Variants in EPPK1 observed in about 807,000 individuals in gnomAD.
EPPK1 encodes epiplakin 1.
For missense variants in EPPK1, 3,823 were observed against 3,673.3 expected, an observed-to-expected ratio of 1.04 and a Z score of -1.05; for synonymous variants, 1,862 against 1,721.2, an observed-to-expected ratio of 1.08 and a Z score of -2.03.
In EPPK1 at chr8:143,867,289, G is replaced by A. The variant is rs1586688278; in HGVS notation, c.5965C>T (p.Leu1989=). The change falls in exon 2 of 2, where the codon CTG becomes TTG. Residue 1989 remains leucine, a synonymous_variant. Transcript: ENST00000615648. ...RDPATGDTIP[L]FQAMQKQLIE... ...AGCTGCTTCTGCATGGCCTGGAACA[G>A]CGGGATCGTGTCTCCTGTGGCCGGA... The A allele has an allele frequency of 1.2e-6, 2 of 1,612,414 alleles. No individual in the cohort carries two copies. The highest frequency in any genetic ancestry group is 1.3e-5 in the African/African-American group (1 of 75,024).
At position 143,866,139 on chromosome 8, in the gene EPPK1, A is replaced by G; in HGVS notation, c.7115T>C (p.Met2372Thr). The G allele has an allele frequency of 2.7e-6, 1 of 364,846 alleles. No homozygotes were observed. Among genetic ancestry groups the G allele is most frequent in the South Asian group, 2.4e-5 (1 of 42,350 alleles). The allele number at this position is 364,846 out of a possible 1,614,324, so 22.6% of individuals were successfully genotyped here. Reference protein sequence around the residue: ...AYRRGYFDEEMNRVLADPSDD... With the variant: ...AYRRGYFDEETNRVLADPSDD... ...GCTGGGGTCGGCCAGGACACGGTTC[A>G]TCTCCTCGTCGAAGTAGCCGCGCCG... is the stretch of plus-strand genomic sequence containing the variant. The change falls in exon 2 of 2, where the codon ATG becomes ACG. Residue 2372 changes from methionine (M) to threonine (T), a missense_variant. By Grantham distance (81) the Met-to-Thr change is moderately conservative (BLOSUM62 -1). Coordinates refer to ENST00000615648, the MANE Select transcript of EPPK1 (RefSeq NM_031308.4).
Position 143,867,587 on chromosome 8 carries a change from C to T in EPPK1, c.5667G>A (p.Val1889=). Residue 1889 remains valine (V), a synonymous_variant, in exon 2 of 2, where the codon GTG becomes GTA. Coordinates refer to ENST00000615648, the MANE Select transcript of EPPK1 (RefSeq NM_031308.4). The stretch of plus-strand genomic sequence containing the variant: ...AGCCGCTGCCTTCCAGATAGGGCTT[C>T]ACACACTCCAGCGTGCTGAGTGCCT... The part of the protein sequence containing the change: ...GGQALSTLEC[V]KPYLEGSGCI... The T allele has an allele frequency of 1.2e-6, 2 of 1,613,092 alleles. No homozygotes were observed. Among genetic ancestry groups the T allele is most frequent in the Non-Finnish European group, 1.7e-6 (2 of 1,179,862 alleles).
In EPPK1 at chr8:143,867,728, G is replaced by C; in HGVS notation, c.5526C>G (p.Asn1842Lys). ...TTTIEETETQ[N>K]QGIKVAAIRG... ...TGATGGCCGCCACTTTGATGCCTTGGTTTTGCGTCTCTGTTTCTTCAATTG... is the reference window on the plus strand; with the variant it reads ...TGATGGCCGCCACTTTGATGCCTTGCTTTTGCGTCTCTGTTTCTTCAATTG... Residue 1842 changes from asparagine (N) to lysine (K), a missense_variant, in exon 2 of 2, where the codon AAC (asparagine) becomes AAG (lysine). By Grantham distance (94) the Asn-to-Lys change is moderately conservative. Coordinates refer to ENST00000615648, the MANE Select transcript of EPPK1 (RefSeq NM_031308.4). 1 of 1,613,720 alleles carries C rather than the reference G, an allele frequency of 6.2e-7. No homozygotes were observed. The highest frequency in any genetic ancestry group is 2.2e-5 in the East Asian group (1 of 44,878).
In EPPK1 at chr8:143,870,614, C is replaced by G. The variant is rs1554660845; in HGVS notation, c.2640G>C (p.Leu880=). 6.2e-7 allele frequency: 1 copy of G among 1,606,936 alleles called. No homozygotes were observed. Among genetic ancestry groups the G allele is most frequent in the South Asian group, 1.1e-5 (1 of 90,074 alleles). ...AETQRQADIM[L]PALRSRVTVH... ...CGGTGACCCGGCTCCGCAGTGCGGG[C>G]AGCATGATGTCCGCCTGTCTCTGCG... Residue 880 remains leucine (L), a synonymous_variant, in exon 2 of 2, where the codon CTG becomes CTC. Transcript: ENST00000615648. The surrounding 1 kb of genome is among the most constrained non-coding windows in gnomAD (Gnocchi z 5.2).
At chr8:143,878,552 G>A (rs569397021), upstream of EPPK1, 172 of 58,784 alleles carry the variant, frequency 2.9e-3, no homozygotes, top group African/African-American at 9.4e-3. Context: ...CCCCGACGCG[G>A]GGCGGGGCGG....
rs1554661278 is a variant in EPPK1, at chr8:143,871,705, C to T, written c.1549G>A (p.Glu517Lys). 1 of 1,607,534 alleles carries T rather than the reference C, an allele frequency of 6.2e-7. No individual in the cohort carries two copies. The highest frequency in any genetic ancestry group is 2.2e-5 in the East Asian group (1 of 44,770). Residue 517 changes from glutamate to lysine, a missense_variant, in exon 2 of 2, where the codon GAG becomes AAG. Physicochemically the swap from Glu to Lys is moderately conservative, Grantham distance 56 (BLOSUM62 1). Coordinates refer to ENST00000615648, the MANE Select transcript of EPPK1 (RefSeq NM_031308.4). ...GCCCTCTGCTCTGAGGAGATGGCCT[C>T]AGAGAAGAGCAGCTCCCAGAGGGAC... ...PVSLWELLFS[E>K]AISSEQRAML...
chr8:143,878,385 G>GC (rs1375608604), intron 1 of EPPK1, 53 bp downstream of exon 1: 13 of 60,916 alleles, frequency 2.1e-4, no homozygotes, highest in South Asian at 4.0e-4. Context: ...GCCCGCACCC[G>GC]CCGCACCTGC....
Position 143,869,949 on chromosome 8 carries a change from C to T in EPPK1, c.3305G>A (p.Cys1102Tyr), listed in dbSNP as rs1554660554. The change falls in exon 2 of 2, where the codon TGC (cysteine) becomes TAC (tyrosine). Residue 1102 changes from cysteine (C) to tyrosine (Y), a missense_variant. Cys to Tyr is a radical substitution (Grantham distance 194). Transcript: ENST00000615648. Reference protein sequence around the residue: ...RTSYAQLLEECPRDETSGLHL... With the variant: ...RTSYAQLLEEYPRDETSGLHL... ...AAGGCCAGAAGTCTCATCCCTGGGG[C>T]ACTCCTCCAGGAGCTGGGCATAGCT... 3.7e-6 allele frequency: 6 copies of T among 1,607,840 alleles called. No individual in the cohort carries two copies. Among genetic ancestry groups the T allele is most frequent in the Admixed American group, 1.7e-5 (1 of 59,520 alleles).
chr8:143,872,760 TG>T lies in EPPK1; in HGVS notation c.493del (p.Gln165ArgfsTer45). 3 of 1,586,100 alleles carry T rather than the reference TG, an allele frequency of 1.9e-6. No homozygotes were observed. The highest frequency in any genetic ancestry group is 2.6e-6 in the Non-Finnish European group (3 of 1,162,742). On this transcript the variant is annotated frameshift_variant, in exon 2 of 2. Transcript: ENST00000615648. LOFTEE classifies it low-confidence loss of function (END_TRUNC). ...LATGGLVDPA[Q>X]GVLVAPEPAC... is the part of the protein sequence containing the mutation. ...TGGCTCAGGGGCCACGAGCACTCCC[TG>T]GGCGGGGTCCACCAGGCCCCCAGTG... is the stretch of plus-strand genomic sequence containing the variant.
In EPPK1 at chr8:143,872,348, GA is replaced by G; in HGVS notation, c.905del (p.Phe302SerfsTer18). The G allele has an allele frequency of 6.2e-7, 1 of 1,605,818 alleles. No homozygotes were observed. The stretch of plus-strand genomic sequence containing the variant: ...GGAGCAGGTGCTCGGTGGCAGCCTG[GA>G]AAAAGCTCTTCTTGTGGCCTTCGGG... The part of the protein sequence containing the change: ...LLPEGHKKSF[F>X]QAATEHLLPM... On this transcript the variant is annotated frameshift_variant, in exon 2 of 2. Coordinates refer to ENST00000615648, the MANE Select transcript of EPPK1 (RefSeq NM_031308.4). LOFTEE classifies it low-confidence loss of function (END_TRUNC).
Position 143,867,097 on chromosome 8 carries a change from G to A in EPPK1, c.6157C>T (p.Arg2053Trp), listed in dbSNP as rs782711807. The A allele has an allele frequency of 2.4e-5, 39 of 1,612,874 alleles. No individual in the cohort carries two copies. The highest frequency in any genetic ancestry group is 1.9e-4 in the South Asian group (17 of 91,078). ...TCTTGCGTGTTCGGGTCCACAAACCGTTTCCTCATGTGCTTCTGGTCGGAA... is the reference window on the plus strand; with the variant it reads ...TCTTGCGTGTTCGGGTCCACAAACCATTTCCTCATGTGCTTCTGGTCGGAA... ...LISDQKHMRK[R>W]FVDPNTQEKV... Residue 2053 changes from arginine to tryptophan, a missense_variant, in exon 2 of 2, where the codon CGG becomes TGG. Arg to Trp is a moderately radical substitution (Grantham distance 101, BLOSUM62 -3). Coordinates refer to ENST00000615648, the MANE Select transcript of EPPK1 (RefSeq NM_031308.4).
intron 1 of EPPK1, among the ~76,000 whole-genome samples, chr8:143,875,272 G>A (rs1819457639): frequency 1.3e-5 from 2 of 152,158 alleles, no homozygotes; most frequent in South Asian, 2.1e-4. Flanking sequence ...GAGGGCTGTC[G>A]AGGCTCGTAG....
chr8:143,869,543 C>T lies in EPPK1; in HGVS notation c.3711G>A (p.Ala1237=), dbSNP rs782395594. 32 of 1,560,796 alleles carry T rather than the reference C, an allele frequency of 2.1e-5. No individual in the cohort carries two copies. Among genetic ancestry groups the T allele is most frequent in the African/African-American group, 9.5e-5 (7 of 73,894 alleles). ...CTGTGCCCCACAGGCAGGCCTTCAC[C>T]GCCGGCTGCTCGGCGACCTGGGCGG... ...QSPAQVAEQP[A]VKACLWGTGC... is the part of the protein sequence containing the mutation. The change falls in exon 2 of 2, where the codon GCG becomes GCA. Residue 1237 remains alanine (A), a synonymous_variant. Transcript: ENST00000615648.
chr8:143,878,354 G>T lies in EPPK1; in HGVS notation c.-46+84C>A, dbSNP rs1477896967. 3.5e-3 allele frequency: 199 copies of T among 56,476 alleles called. 3 individuals carry two copies. In the East Asian group the frequency reaches 0.044, roughly 13 times the overall value. The allele number at this position is 56,476 out of a possible 1,614,324, so 3.5% of individuals were successfully genotyped here. A position where few individuals can be genotyped will look rare whatever the true frequency, so the allele number is the denominator to read the frequency against. Reference sequence around the variant, plus strand: ...CGCCGCCCCGCCCGGCCCCGAGCCCGCACCCGCACCCGCCGCACCTGCCCG... The same window carrying T: ...CGCCGCCCCGCCCGGCCCCGAGCCCTCACCCGCACCCGCCGCACCTGCCCG... On this transcript the variant is annotated intron_variant, in intron 1 of 1. Transcript: ENST00000615648.
At position 143,872,824 on chromosome 8, in the gene EPPK1, T is replaced by G; in HGVS notation, c.430A>C (p.Arg144=). 6.4e-7 allele frequency: 1 copy of G among 1,560,630 alleles called. No homozygotes were observed. The highest frequency in any genetic ancestry group is 8.7e-7 in the Non-Finnish European group (1 of 1,152,368). ...FQAIGKEVVD[R]ALGQSWLEVQ... ...TCCAGCCAGCTCTGCCCCAGGGCCC[T>G]GTCCACAACCTCCTTCCCGATGGCC... The change falls in exon 2 of 2, where the codon AGG becomes CGG. Residue 144 remains arginine (R), a synonymous_variant. Transcript: ENST00000615648.
chr8:143,872,983 G>A lies in EPPK1; in HGVS notation c.271C>T (p.Gln91Ter), dbSNP rs1419186147. 3 of 1,582,428 alleles carry A rather than the reference G, an allele frequency of 1.9e-6. No individual in the cohort carries two copies. The highest frequency in any genetic ancestry group is 1.8e-5 in the Admixed American group (1 of 55,316). ...AGGGCCTTGGACACAGGGAGCAGCT[G>A]GCCCCGGGCGAGGTCCACCAGGCCC... Reference protein sequence around the residue: ...TGGLVDLARGQLLPVSKALQQ... With the variant: ...TGGLVDLARG The change falls in exon 2 of 2, where the codon CAG becomes TAG. Residue 91 changes from glutamine (Q) to a stop codon, truncating the protein, a stop_gained. Coordinates refer to ENST00000615648, the MANE Select transcript of EPPK1 (RefSeq NM_031308.4). LOFTEE classifies it low-confidence loss of function (END_TRUNC).
chr8:143,878,984 A>C (rs1194262641), upstream of EPPK1, among the ~76,000 whole-genome samples: 1 of 152,078 alleles, frequency 6.6e-6, no homozygotes, highest in Non-Finnish European at 1.5e-5. Flanking sequence ...GAGCAGTGCC[A>C]GGCCTCACCC....
chr8:143,871,938 G>C lies in EPPK1; in HGVS notation c.1316C>G (p.Ser439Ter). Residue 439 changes from serine (S) to a stop codon, truncating the protein, a stop_gained, in exon 2 of 2, where the codon TCA (serine) becomes TGA (stop). Coordinates refer to ENST00000615648, the MANE Select transcript of EPPK1 (RefSeq NM_031308.4). LOFTEE classifies it low-confidence loss of function (END_TRUNC). ...GCGCAGGCCGCCGTGCGTGCCGTCT[G>C]AGAAGCTGCCAGCCTGCGAGAGCTG... is the stretch of plus-strand genomic sequence containing the variant. ...QRQLSQAGSFSDGTHGGLRYE... is the reference protein window; with the variant it reads ...QRQLSQAGSF 6 of 1,602,634 alleles carry C rather than the reference G, an allele frequency of 3.7e-6. No individual in the cohort carries two copies. Among genetic ancestry groups the C allele is most frequent in the South Asian group, 1.1e-5 (1 of 90,796 alleles).
chr8:143,868,434 G>A lies in EPPK1; in HGVS notation c.4820C>T (p.Ala1607Val), dbSNP rs1554659941. Residue 1607 changes from alanine to valine, a missense_variant, in exon 2 of 2, where the codon GCA becomes GTA. Physicochemically the swap from Ala to Val is moderately conservative, Grantham distance 64. Transcript: ENST00000615648. Reference protein sequence around the residue: ...RPGTALVLLEAQAATGFIIDP... With the variant: ...RPGTALVLLEVQAATGFIIDP... ...GATGATGAAGCCGGTAGCTGCCTGT[G>A]CCTCCAGCAGCACCAGGGCTGTGCC... The A allele has an allele frequency of 6.2e-7, 1 of 1,612,592 alleles. No homozygotes were observed. Among genetic ancestry groups the A allele is most frequent in the Admixed American group, 1.7e-5 (1 of 60,016 alleles).
Sources: gnomAD v4.1 joint callset for allele counts (sites outside exome capture counted in the v4.1 genomes callset) on GRCh38, gnomAD v4.1.1 for gene constraint, Gnocchi (gnomAD v3.1) non-coding constraint, MANE v1.5 for transcripts, NCBI Gene and HGNC (gene_info 2026-07-23, HGNC 2026-07-21) for gene names.